RASSF8: variants seen among roughly 807,000 people sequenced by gnomAD.
The protein encoded by RASSF8 is ras association domain-containing protein 8.
In RASSF8, 22 loss-of-function variants were observed where a neutral mutation model predicts 48.5. The ratio of observed to expected loss-of-function variants is 0.45; its 90% confidence interval spans 0.32 to 0.65. RASSF8 has a LOEUF of 0.65. Among genes scored for constraint, RASSF8 ranks in the 30% least tolerant of loss-of-function variants. RASSF8 has a pLI of 0.03. For missense variants in RASSF8, 418 were observed against 489.2 expected, an observed-to-expected ratio of 0.85 and a Z score of 1.37; for synonymous variants, 127 against 171.5, an observed-to-expected ratio of 0.74 and a Z score of 2.03.
chr12:25,983,776 C>G (rs190666025), intron 1 of RASSF8, among the ~76,000 whole-genome samples: 1 of 152,030 alleles, frequency 6.6e-6, no homozygotes, highest in Non-Finnish European at 1.5e-5. Context: ...AGTGGATTAC[C>G]GTAGGACAGG....
chr12:26,044,599 C>T (rs886787653), intron 2 of RASSF8, among the ~76,000 whole-genome samples: 1 of 152,096 alleles, frequency 6.6e-6, no homozygotes, highest in African/African-American at 2.4e-5. Context: ...TGGTGATGTA[C>T]TTTCAATAAA....
intron 1 of RASSF8, among the ~76,000 whole-genome samples, chr12:25,967,157 G>A (rs1334072019): frequency 6.6e-6 from 1 of 152,180 alleles, no homozygotes; most frequent in Non-Finnish European, 1.5e-5. Context: ...CCAACTAAAT[G>A]AAAAGCAGCT....
intron 2 of RASSF8, among the ~76,000 whole-genome samples, chr12:26,006,782 G>A (rs1177195685): frequency 6.6e-6 from 1 of 152,184 alleles, no homozygotes; most frequent in Non-Finnish European, 1.5e-5. Context: ...GTGGGACAGT[G>A]TTGGAATAGT....
In RASSF8 at chr12:25,963,246, T is replaced by A. The variant is rs181641525; in HGVS notation, c.-203+4098T>A. On this transcript the variant is annotated intron_variant, in intron 1 of 5. Transcript: ENST00000689635. ...ACTTAAGAGAGAGGAGGAGTTTTTT[T>A]TAAAAAAAGTGGGAGCCACCTAGAA... 1.2e-3 allele frequency among the ~76,000 whole-genome samples: 186 copies of A among 150,030 alleles called. 4 individuals carry two copies. The East Asian group carries it at 0.029, about 23-fold the overall frequency.
intron 2 of RASSF8, among the ~76,000 whole-genome samples, chr12:26,025,857 A>G (rs1942900865): frequency 6.6e-6 from 1 of 152,072 alleles, no homozygotes; most frequent in African/African-American, 2.4e-5. Flanking sequence ...TACACTGAAA[A>G]CTATAATACA....
At position 26,072,766 on chromosome 12, in the gene RASSF8, A is replaced by C; in HGVS notation, c.*3948A>C. On this transcript the variant is annotated 3_prime_UTR_variant, in exon 6 of 6. Transcript: ENST00000689635. ...TTATATGTAATTATCCTTTTCTTTG[A>C]CTTTCATTTTAAATGTATATTTTCT... The C allele has an allele frequency of 1.1e-6, 1 of 937,046 alleles. No homozygotes were observed. The highest frequency in any genetic ancestry group is 4.9e-5 in the South Asian group (1 of 20,276). 58.0% of individuals were successfully genotyped at this position (937,046 alleles called of 1,614,324 possible). A position where few individuals can be genotyped will look rare whatever the true frequency, so the allele number is the denominator to read the frequency against.
At chr12:26,043,138 C>T (rs1219848117) in intron 2 of RASSF8, among the ~76,000 whole-genome samples, 1 of 152,152 alleles carries the variant, frequency 6.6e-6, no homozygotes, top group Non-Finnish European at 1.5e-5. Context: ...AGAGGAGTAG[C>T]CAGATAACCA....
At position 26,070,595 on chromosome 12, in the gene RASSF8, A is replaced by G. The variant is rs1943977975; in HGVS notation, c.*1777A>G. The G allele has an allele frequency of 1.0e-6, 1 of 963,594 alleles. No homozygotes were observed. Among genetic ancestry groups the G allele is most frequent in the Non-Finnish European group, 1.2e-6 (1 of 810,250 alleles). 59.7% of individuals were successfully genotyped at this position (963,594 alleles called of 1,614,324 possible). ...TCACAATTTATAGTAGTTATTTTCT[A>G]TCTACCTATATTTAAAATTAGGATG... is the stretch of plus-strand genomic sequence containing the variant. On this transcript the variant is annotated 3_prime_UTR_variant, in exon 6 of 6. Coordinates refer to ENST00000689635, the MANE Select transcript of RASSF8 (RefSeq NM_001394098.1).
chr12:26,012,502 A>G (rs1282844872), intron 2 of RASSF8, among the ~76,000 whole-genome samples: 2 of 152,152 alleles, frequency 1.3e-5, no homozygotes, highest in East Asian at 1.9e-4. Flanking sequence ...AATAGACATC[A>G]TCTCCTCATC....
chr12:26,066,511 A>G (rs1326113943), intron 4 of RASSF8, among the ~76,000 whole-genome samples: 1 of 152,210 alleles, frequency 6.6e-6, no homozygotes, highest in Non-Finnish European at 1.5e-5. Flanking sequence ...AGAATTTCTC[A>G]TGCAGTAGAA....
At position 26,061,955 on chromosome 12, in the gene RASSF8, C is replaced by T. The variant is rs1410548966; in HGVS notation, c.104-2543C>T. Among the ~76,000 whole-genome samples the T allele has an allele frequency of 2.0e-5, 3 of 152,164 alleles. No individual in the cohort carries two copies. In the East Asian group the frequency reaches 5.8e-4, roughly 29 times the overall value. On this transcript the variant is annotated intron_variant, in intron 3 of 5. Coordinates refer to ENST00000689635, the MANE Select transcript of RASSF8 (RefSeq NM_001394098.1). ...ATTCTAAATAACCTTCCAAGACATT[C>T]TCAGAGGGTAGCAGTACCAGTAAGC...
At chr12:26,068,273 ACTT>A (rs1406552375) in intron 5 of RASSF8, among the ~76,000 whole-genome samples, 7 of 152,140 alleles carry the variant, frequency 4.6e-5, no homozygotes, top group Non-Finnish European at 8.8e-5. Context: ...GTTTGAAACT[ACTT>A]CTTTATTAAA....
intron 3 of RASSF8, among the ~76,000 whole-genome samples, chr12:26,058,537 C>T (rs999707400): frequency 1.6e-5 from 1 of 64,288 alleles, no homozygotes; most frequent in Non-Finnish European, 3.8e-5. Flanking sequence ...CACGCGCGCG[C>T]GCACACACAC....
chr12:26,004,412 T>C (rs1942335485), intron 2 of RASSF8, among the ~76,000 whole-genome samples: 1 of 152,176 alleles, frequency 6.6e-6, no homozygotes, highest in Non-Finnish European at 1.5e-5. Context: ...ACAGTTGACC[T>C]TGCACACAAC....
intron 2 of RASSF8, among the ~76,000 whole-genome samples, chr12:26,002,991 A>G (rs553024189): frequency 6.6e-6 from 1 of 152,360 alleles, no homozygotes; most frequent in South Asian, 2.1e-4. Flanking sequence ...ACCTATACAT[A>G]AATGTAACTC....
At chr12:25,985,466 T>C (rs1346305769) in intron 1 of RASSF8, among the ~76,000 whole-genome samples, 1 of 152,194 alleles carries the variant, frequency 6.6e-6, no homozygotes, top group East Asian at 1.9e-4. Flanking sequence ...TGGTTTTCTG[T>C]CTATGGCAGT....
chr12:26,048,932 A>G (rs1943432153), intron 2 of RASSF8, among the ~76,000 whole-genome samples: 1 of 151,358 alleles, frequency 6.6e-6, no homozygotes, highest in South Asian at 2.1e-4. Context: ...TTTTTTTTGT[A>G]TTTTTAGTAG....
intron 2 of RASSF8, among the ~76,000 whole-genome samples, chr12:26,051,325 T>G (rs1295113248): frequency 6.6e-6 from 1 of 152,192 alleles, no homozygotes; most frequent in African/African-American, 2.4e-5. Flanking sequence ...ACTGGGCATG[T>G]GTGAATGCTG....
At chr12:26,031,245 T>G (rs921943918) in intron 2 of RASSF8, among the ~76,000 whole-genome samples, 2 of 152,210 alleles carry the variant, frequency 1.3e-5, no homozygotes, top group Non-Finnish European at 2.9e-5. Flanking sequence ...TGGGTTAGAT[T>G]TCTGGATTAC....
Sources: gnomAD v4.1 joint callset for allele counts (sites outside exome capture counted in the v4.1 genomes callset) on GRCh38, gnomAD v4.1.1 for gene constraint, MANE v1.5 for transcripts, NCBI Gene and HGNC (gene_info 2026-07-23, HGNC 2026-07-21) for gene names.